MAPK14: variants seen among roughly 807,000 people sequenced by gnomAD.
The protein encoded by MAPK14 is mitogen-activated protein kinase 14, also known as CSAID-binding protein.
In MAPK14, 16 loss-of-function variants were observed where a neutral mutation model predicts 49.6. The observed-to-expected ratio is 0.32, with a 90% CI of 0.22 to 0.49. The LOEUF (loss-of-function observed/expected upper bound fraction) is 0.49, where lower values mean the gene tolerates loss of function less well. Among genes scored for constraint, MAPK14 ranks in the 20% least tolerant of loss-of-function variants. The probability of loss-of-function intolerance (pLI) is 0.99; values close to 1 mark genes in which losing one functional copy is unlikely to be tolerated. For synonymous variants in MAPK14, 142 were observed against 158.0 expected (o/e 0.90, Z 0.76); for missense variants, 200 against 441.2 (o/e 0.45, Z 4.90).
chr6:36,032,442 T>G (rs1221067629), intron 1 of MAPK14, among the ~76,000 whole-genome samples: 1 of 152,062 alleles, frequency 6.6e-6, no homozygotes, highest in East Asian at 1.9e-4. Flanking sequence ...AAGCATTGAT[T>G]TTGGGGTTTT....
intron 9 of MAPK14, among the ~76,000 whole-genome samples, chr6:36,099,174 T>C (rs756626118): frequency 3.3e-5 from 5 of 152,216 alleles, no homozygotes; most frequent in Non-Finnish European, 7.3e-5. Context: ...TTATTAAAGA[T>C]GACACTTCAC....
At chr6:36,115,622 G>C (rs1053078968), downstream of MAPK14, among the ~76,000 whole-genome samples, 1 of 151,908 alleles carries the variant, frequency 6.6e-6, no homozygotes, top group Non-Finnish European at 1.5e-5. Flanking sequence ...CGTCTCTACA[G>C]AAAATTTTTA....
chr6:36,064,615 C>G (rs1283555924), intron 3 of MAPK14, among the ~76,000 whole-genome samples: 1 of 152,154 alleles, frequency 6.6e-6, no homozygotes, highest in Non-Finnish European at 1.5e-5. Context: ...CACTTACTAA[C>G]AATGATTGCT....
rs1218935913 is a variant in MAPK14 at position 36,107,449 on chromosome 6, T to G, written c.842-6T>G. The G allele has an allele frequency of 2.0e-6, 3 of 1,532,498 alleles. No homozygotes were observed. Among genetic ancestry groups the G allele is most frequent in the South Asian group, 1.3e-5 (1 of 76,248 alleles). 94.9% of individuals were successfully genotyped at this position (1,532,498 alleles called of 1,614,324 possible). On this transcript the variant is annotated splice_polypyrimidine_tract_variant and splice_region_variant and intron_variant, in intron 10 of 11. Transcript: ENST00000229794. The surrounding 1 kb of genome is among the most constrained non-coding windows in gnomAD (Gnocchi z 4.3). Reference sequence around the variant, plus strand: ...CTCTTTTCCTTCCTGTCTATGGTACTGATAGCTGTCGACTTGCTGGAGAAG... The same window carrying G: ...CTCTTTTCCTTCCTGTCTATGGTACGGATAGCTGTCGACTTGCTGGAGAAG...
the MAPK14 span, among the ~76,000 whole-genome samples, chr6:36,123,398 A>G: frequency 6.6e-6 from 1 of 152,202 alleles, no homozygotes; most frequent in Non-Finnish European, 1.5e-5. Context: ...GAAGAACAGC[A>G]AAATCAGAAA....
chr6:36,036,398 A>G (rs187705282), intron 1 of MAPK14, among the ~76,000 whole-genome samples: 37 of 152,338 alleles, frequency 2.4e-4, no homozygotes, highest in Middle Eastern at 3.4e-3. Context: ...AGAATATTAC[A>G]TAAACTTAGT....
At chr6:36,041,685 A>G (rs918132978) in intron 1 of MAPK14, among the ~76,000 whole-genome samples, 7 of 152,222 alleles carry the variant, frequency 4.6e-5, no homozygotes, top group African/African-American at 1.7e-4. Flanking sequence ...AAAAATTACA[A>G]TCAGGAATGA....
intron 3 of MAPK14, among the ~76,000 whole-genome samples, chr6:36,059,745 T>A (rs1208379673): frequency 6.6e-6 from 1 of 152,120 alleles, no homozygotes; most frequent in Non-Finnish European, 1.5e-5. Flanking sequence ...CTCAAGCTCC[T>A]GGGCTGTAGT....
chr6:36,090,578 T>G (rs1242854040), intron 8 of MAPK14, among the ~76,000 whole-genome samples: 1 of 148,596 alleles, frequency 6.7e-6, no homozygotes, highest in Non-Finnish European at 1.5e-5. Flanking sequence ...CAGGCTGGAG[T>G]GCAATGGCGC....
At chr6:36,124,035 G>T in the MAPK14 span, among the ~76,000 whole-genome samples, 1 of 151,926 alleles carries the variant, frequency 6.6e-6, no homozygotes, top group African/African-American at 2.4e-5. Context: ...GCTGAAGGAG[G>T]GGAGAGAGGA....
At chr6:36,031,062 T>C (rs537758043) in intron 1 of MAPK14, among the ~76,000 whole-genome samples, 4 of 152,378 alleles carry the variant, frequency 2.6e-5, no homozygotes, top group African/African-American at 9.6e-5. Flanking sequence ...TCGCCCAGGC[T>C]TGAGTGCAGT....
At chr6:36,068,947 A>G (rs1391964411) in intron 3 of MAPK14, among the ~76,000 whole-genome samples, 1 of 152,238 alleles carries the variant, frequency 6.6e-6, no homozygotes, top group Admixed American at 6.5e-5. Flanking sequence ...CCAACTTCAC[A>G]AGAAAAGTGA....
downstream of MAPK14, among the ~76,000 whole-genome samples, chr6:36,111,535 G>A (rs1334309040): frequency 2.6e-5 from 4 of 152,188 alleles, no homozygotes; most frequent in African/African-American, 9.7e-5. Flanking sequence ...TAAGCTTTTA[G>A]GCGAATGTAT....
At chr6:36,085,439 A>G (rs1764941688) in intron 8 of MAPK14, among the ~76,000 whole-genome samples, 1 of 152,226 alleles carries the variant, frequency 6.6e-6, no homozygotes, top group African/African-American at 2.4e-5. Context: ...CTAACATGCA[A>G]AGACATACAA....
chr6:36,044,135 T>C (rs1231337739), intron 1 of MAPK14, among the ~76,000 whole-genome samples: 1 of 152,146 alleles, frequency 6.6e-6, no homozygotes, highest in Non-Finnish European at 1.5e-5. Flanking sequence ...TTCTAATGAA[T>C]TTAATGTATT....
intron 11 of MAPK14, 134 bp from the exon 12 acceptor site, chr6:36,108,246 T>C (rs1765858440): frequency 1.5e-6 from 1 of 684,978 alleles, no homozygotes; most frequent in Admixed American, 2.2e-5. Context: ...GGCTATTACA[T>C]ACAAGCTGTG....
intron 1 of MAPK14, among the ~76,000 whole-genome samples, chr6:36,048,479 A>G (rs899341481): frequency 6.6e-6 from 1 of 152,212 alleles, no homozygotes; most frequent in African/African-American, 2.4e-5. Context: ...GCCTGGCATA[A>G]TTTATATTTT....
In MAPK14 at chr6:36,062,830, G is replaced by A. The variant is rs796101150; in HGVS notation, c.305+3483G>A. The stretch of plus-strand genomic sequence containing the variant: ...ACATCACCATGCCTGGTTAATTTTT[G>A]TATTTTTAGTAGAGGTGGGATTTCA... On this transcript the variant is annotated intron_variant, in intron 3 of 11. Transcript: ENST00000229794. Among the ~76,000 whole-genome samples the A allele has an allele frequency of 5.9e-5, 9 of 151,828 alleles. 1 individual carries two copies. The highest frequency in any genetic ancestry group is 2.2e-4 in the African/African-American group (9 of 41,416).
chr6:36,119,854 C>T, the MAPK14 span, among the ~76,000 whole-genome samples: 2 of 152,202 alleles, frequency 1.3e-5, no homozygotes, highest in Admixed American at 6.5e-5. Context: ...TGGCAGATCT[C>T]ACCAACAACC....
Sources: allele counts gnomAD v4.1 joint callset (sites outside exome capture counted in the v4.1 genomes callset), GRCh38; gene constraint gnomAD v4.1.1; non-coding constraint Gnocchi (gnomAD v3.1); transcripts MANE v1.5; gene names NCBI Gene and HGNC (gene_info 2026-07-23, HGNC 2026-07-21).